CHST11: variants seen among roughly 807,000 people sequenced by gnomAD.
CHST11 encodes C4S-1.
A neutral mutation model predicts 30.4 loss-of-function variants in CHST11; 9 were observed. The ratio of observed to expected loss-of-function variants is 0.30; its 90% confidence interval spans 0.18 to 0.52. The LOEUF (loss-of-function observed/expected upper bound fraction) is 0.52, where lower values mean the gene tolerates loss of function less well. CHST11 is among the 20% of genes least tolerant of loss of function. The probability of loss-of-function intolerance (pLI) is 0.97; values close to 1 mark genes in which losing one functional copy is unlikely to be tolerated. For missense variants in CHST11, 348 were observed against 460.6 expected (o/e 0.76, Z 2.24); for synonymous variants, 152 against 187.8 (o/e 0.81, Z 1.56).
At chr12:104,704,391 C>T (rs954740043) in intron 2 of CHST11, among the ~76,000 whole-genome samples, 6 of 152,134 alleles carry the variant, frequency 3.9e-5, no homozygotes, top group East Asian at 3.9e-4. Flanking sequence ...GGGGAAGCTG[C>T]GGGAGCCGGG....
At chr12:104,598,694 C>T (rs530625496) in intron 1 of CHST11, among the ~76,000 whole-genome samples, 2 of 152,308 alleles carry the variant, frequency 1.3e-5, no homozygotes, top group East Asian at 1.9e-4. Flanking sequence ...GAACATGACA[C>T]GGAGGATTTG....
intron 1 of CHST11, among the ~76,000 whole-genome samples, chr12:104,580,580 A>G (rs545615119): frequency 5.3e-5 from 8 of 152,346 alleles, no homozygotes; most frequent in South Asian, 2.1e-4. Context: ...TTCAACCTCT[A>G]TAACAGCTAG....
intron 2 of CHST11, among the ~76,000 whole-genome samples, chr12:104,661,988 C>T (rs940936862): frequency 2.0e-5 from 3 of 152,314 alleles, no homozygotes; most frequent in African/African-American, 7.2e-5. Flanking sequence ...AGCCTCGTTT[C>T]TCAGTCTGAG....
At chr12:104,574,524 C>T (rs1231206600) in intron 1 of CHST11, among the ~76,000 whole-genome samples, 1 of 151,642 alleles carries the variant, frequency 6.6e-6, no homozygotes, top group Non-Finnish European at 1.5e-5. Context: ...GAATACTATG[C>T]AGCCATAAAA....
chr12:104,754,188 TG>T (rs1383847770), intron 2 of CHST11, among the ~76,000 whole-genome samples: 1 of 152,238 alleles, frequency 6.6e-6, no homozygotes, highest in African/African-American at 2.4e-5. Context: ...ATGGTGCCCT[TG>T]CTTCTCTGGA....
chr12:104,641,871 C>G (rs1211501969), intron 2 of CHST11, among the ~76,000 whole-genome samples: 1 of 152,132 alleles, frequency 6.6e-6, no homozygotes, highest in Non-Finnish European at 1.5e-5. Context: ...TCTGGCACTT[C>G]TAGGAGTTTA....
intron 1 of CHST11, among the ~76,000 whole-genome samples, chr12:104,544,714 A>AT (rs1331202057): frequency 7.0e-6 from 1 of 143,784 alleles, no homozygotes; most frequent in Non-Finnish European, 1.5e-5. Flanking sequence ...CTAAAAAAAA[A>AT]AAAAAAAAGA....
chr12:104,709,928 G>C (rs1293527512), intron 2 of CHST11, among the ~76,000 whole-genome samples: 1 of 152,212 alleles, frequency 6.6e-6, no homozygotes, highest in Non-Finnish European at 1.5e-5. Context: ...TGGGCATGGT[G>C]GCTCATGCTT....
In CHST11 at chr12:104,759,588, T is replaced by C. The variant is rs2136151579; in HGVS notation, c.*1785T>C. Reference sequence around the variant, plus strand: ...TTGAATAATTTATTCACAGAAACTATTAAGATTGTATTGTAAAGCTCACAG... The same window carrying C: ...TTGAATAATTTATTCACAGAAACTACTAAGATTGTATTGTAAAGCTCACAG... On this transcript the variant is annotated 3_prime_UTR_variant, in exon 3 of 3. Coordinates refer to ENST00000303694, the MANE Select transcript of CHST11 (RefSeq NM_018413.6). The C allele has an allele frequency of 6.6e-6, 1 of 152,308 alleles. No individual in the cohort carries two copies. Among genetic ancestry groups the C allele is most frequent in the African/African-American group, 2.4e-5 (1 of 41,570 alleles). 9.4% of individuals were successfully genotyped at this position (152,308 alleles called of 1,614,324 possible).
At chr12:104,693,240 G>C (rs2039914482) in intron 2 of CHST11, among the ~76,000 whole-genome samples, 1 of 152,158 alleles carries the variant, frequency 6.6e-6, no homozygotes, top group Admixed American at 6.5e-5. Context: ...ATTCTGAAGT[G>C]CTGGGGGCTA....
intron 2 of CHST11, among the ~76,000 whole-genome samples, chr12:104,734,213 GTTTA>G (rs1482380210): frequency 6.6e-6 from 1 of 152,206 alleles, no homozygotes; most frequent in Non-Finnish European, 1.5e-5. Flanking sequence ...GTGCTTTTCT[GTTTA>G]TTTTTCTTAT....
At chr12:104,501,435 C>G (rs780581381) in intron 1 of CHST11, among the ~76,000 whole-genome samples, 2 of 152,176 alleles carry the variant, frequency 1.3e-5, no homozygotes, top group Non-Finnish European at 2.9e-5. Flanking sequence ...CCTGAAGGTT[C>G]AGGATCTGAA....
chr12:104,467,067 G>T (rs1386725286), intron 1 of CHST11, among the ~76,000 whole-genome samples: 2 of 152,170 alleles, frequency 1.3e-5, no homozygotes, highest in Non-Finnish European at 1.5e-5. Context: ...TGAGGAATAG[G>T]ATAGTTAAAA....
At chr12:104,577,661 T>G (rs1460387118) in intron 1 of CHST11, among the ~76,000 whole-genome samples, 3 of 152,192 alleles carry the variant, frequency 2.0e-5, no homozygotes, top group African/African-American at 4.8e-5. Flanking sequence ...CAACTTCCCC[T>G]GCTTTCCTAG....
At chr12:104,710,678 C>T (rs576882693) in intron 2 of CHST11, among the ~76,000 whole-genome samples, 4 of 152,262 alleles carry the variant, frequency 2.6e-5, no homozygotes, top group African/African-American at 4.8e-5. Flanking sequence ...GTTTGAGCCC[C>T]CAGACGATGA....
At position 104,758,073 on chromosome 12, in the gene CHST11, C is replaced by A. The variant is rs1338092554; in HGVS notation, c.*270C>A. On this transcript the variant is annotated 3_prime_UTR_variant, in exon 3 of 3. Coordinates refer to ENST00000303694, the MANE Select transcript of CHST11 (RefSeq NM_018413.6). ...GTTCTGGTGAATTCCATGAATTGTG[C>A]ATTCCATAAATTCTAATTAATATTA... 2 of 319,690 alleles carry A rather than the reference C, an allele frequency of 6.3e-6. No individual in the cohort carries two copies. Among genetic ancestry groups the A allele is most frequent in the Non-Finnish European group, 1.1e-5 (2 of 174,964 alleles). 19.8% of individuals were successfully genotyped at this position (319,690 alleles called of 1,614,324 possible). A position where few individuals can be genotyped will look rare whatever the true frequency, so the allele number is the denominator to read the frequency against.
chr12:104,525,433 G>A (rs1379539880), intron 1 of CHST11, among the ~76,000 whole-genome samples: 1 of 152,162 alleles, frequency 6.6e-6, no homozygotes, highest in Non-Finnish European at 1.5e-5. Context: ...TTTTGAATTA[G>A]CATGAGGACA....
intron 2 of CHST11, among the ~76,000 whole-genome samples, chr12:104,631,932 C>T (rs1446138599): frequency 6.6e-6 from 1 of 152,160 alleles, no homozygotes. Context: ...GAACTCATGT[C>T]TTGTACTCCG....
At chr12:104,471,186 C>A (rs372855208) in intron 1 of CHST11, among the ~76,000 whole-genome samples, 2 of 152,150 alleles carry the variant, frequency 1.3e-5, no homozygotes, top group East Asian at 1.9e-4. Context: ...GTGTGTACAT[C>A]TCTAATATTA....
Sources: allele counts gnomAD v4.1 joint callset (sites outside exome capture counted in the v4.1 genomes callset), GRCh38; gene constraint gnomAD v4.1.1; transcripts MANE v1.5; gene names NCBI Gene and HGNC (gene_info 2026-07-23, HGNC 2026-07-21).